EBF2: variants seen among roughly 807,000 people sequenced by gnomAD.
The protein encoded by EBF2 is EBF transcription factor 2.
Under a neutral mutation model 72.8 loss-of-function variants are expected in EBF2, and 21 were observed. The observed-to-expected ratio is 0.29, with a 90% CI of 0.20 to 0.42. The LOEUF is 0.42. Ranked by LOEUF, EBF2 falls within the 10% of genes least tolerant of loss-of-function variation. EBF2 has a pLI of 1.00. For missense variants in EBF2, 637 were observed against 731.2 expected (o/e 0.87, Z 1.49); for synonymous variants, 299 against 274.2 (o/e 1.09, Z -0.89).
intron 6 of EBF2, among the ~76,000 whole-genome samples, chr8:25,973,253 A>C (rs969763140): frequency 6.6e-6 from 1 of 152,246 alleles, no homozygotes; most frequent in Admixed American, 6.5e-5. Context: ...TAACATTAAG[A>C]TATGTATTGA....
Position 25,908,645 on chromosome 8 carries a change from G to C in EBF2, c.552-90C>G, listed in dbSNP as rs577159373. The C allele has an allele frequency of 3.4e-6, 3 of 885,504 alleles. No homozygotes were observed. In the African/African-American group the frequency reaches 5.0e-5, roughly 15 times the overall value. The allele number at this position is 885,504 out of a possible 1,614,324, so 54.9% of individuals were successfully genotyped here. ...ATTCCATTAGATTTGATTTGACAGC[G>C]ATTCTATTTCAGATCTGGGGAATTT... is the stretch of plus-strand genomic sequence containing the variant. On this transcript the variant is annotated intron_variant, in intron 6 of 15. Coordinates refer to ENST00000520164, the MANE Select transcript of EBF2 (RefSeq NM_022659.4).
At chr8:26,008,688 C>A (rs866442742) in intron 6 of EBF2, among the ~76,000 whole-genome samples, 1 of 152,014 alleles carries the variant, frequency 6.6e-6, no homozygotes, top group South Asian at 2.1e-4. Context: ...AAATTAGCAG[C>A]GTTTTATCAT....
At chr8:25,974,611 G>A (rs1000702334) in intron 6 of EBF2, among the ~76,000 whole-genome samples, 3 of 152,118 alleles carry the variant, frequency 2.0e-5, no homozygotes, top group African/African-American at 4.8e-5. Flanking sequence ...TCAATTAAGT[G>A]ATTTAAAATA....
chr8:25,871,035 C>A (rs1460632556), intron 10 of EBF2, among the ~76,000 whole-genome samples: 1 of 152,158 alleles, frequency 6.6e-6, no homozygotes, highest in Non-Finnish European at 1.5e-5. Flanking sequence ...CAACACTAAA[C>A]CATAAGAGGG....
rs139354805 is a variant in EBF2, at chr8:25,850,535, C to T, written c.1696+59G>A. The T allele has an allele frequency of 5.3e-4, 775 of 1,463,632 alleles. 3 individuals are homozygous for T. In the African/African-American group the frequency reaches 0.01, roughly 20 times the overall value. 90.7% of individuals were successfully genotyped at this position (1,463,632 alleles called of 1,614,324 possible). On this transcript the variant is annotated intron_variant, in intron 15 of 15. Transcript: ENST00000520164. ...GAGCTATACAATGATGTGCTGTTTG[C>T]TCTTACTTTGCCAACCCTATGGTAC...
intron 15 of EBF2, 68 bp downstream of exon 15, chr8:25,850,526 T>G: frequency 6.9e-7 from 1 of 1,445,456 alleles, no homozygotes; most frequent in Middle Eastern, 2.4e-4. Flanking sequence ...TACAATGATG[T>G]GCTGTTTGCT....
At chr8:25,933,159 T>G (rs1434957393) in intron 6 of EBF2, among the ~76,000 whole-genome samples, 6 of 152,214 alleles carry the variant, frequency 3.9e-5, no homozygotes, top group Non-Finnish European at 8.8e-5. Flanking sequence ...CTGGATTCTA[T>G]TTCCAGTTTG....
At chr8:25,904,839 T>C (rs1172069181) in intron 7 of EBF2, among the ~76,000 whole-genome samples, 1 of 152,176 alleles carries the variant, frequency 6.6e-6, no homozygotes, top group Non-Finnish European at 1.5e-5. Flanking sequence ...CTTAGTAGAA[T>C]CTAAGTACAG....
intron 13 of EBF2, among the ~76,000 whole-genome samples, chr8:25,859,379 G>A (rs987970146): frequency 5.9e-5 from 9 of 152,156 alleles, no homozygotes; most frequent in African/African-American, 2.2e-4. Flanking sequence ...TTTTAGAAAC[G>A]TCAGTTCCAA....
intron 6 of EBF2, among the ~76,000 whole-genome samples, chr8:25,946,701 C>T (rs560114596): frequency 1.3e-5 from 2 of 152,304 alleles, no homozygotes; most frequent in South Asian, 4.1e-4. Context: ...CTTTCATATC[C>T]AGTCAAATCC....
In EBF2 at chr8:25,941,929, G is replaced by C. The variant is rs116877970; in HGVS notation, c.552-33374C>G. On this transcript the variant is annotated intron_variant, in intron 6 of 15. Transcript: ENST00000520164. Reference sequence around the variant, plus strand: ...GTTCTCGTCCATTTTAGTCCATGCTGTGGCTTAATAATGGATCACTTCTTC... The same window carrying C: ...GTTCTCGTCCATTTTAGTCCATGCTCTGGCTTAATAATGGATCACTTCTTC... Among the ~76,000 whole-genome samples the C allele has an allele frequency of 1.2e-3, 183 of 152,350 alleles. 4 individuals carry two copies. In the East Asian group the frequency reaches 0.026, roughly 22 times the overall value.
chr8:25,909,159 G>A (rs1044625479), intron 6 of EBF2, among the ~76,000 whole-genome samples: 4 of 152,094 alleles, frequency 2.6e-5, no homozygotes, highest in African/African-American at 4.8e-5. Context: ...ATTATTCAGA[G>A]AAACATGAAA....
chr8:25,982,425 C>T (rs2117200432), intron 6 of EBF2, among the ~76,000 whole-genome samples: 1 of 152,278 alleles, frequency 6.6e-6, no homozygotes. Context: ...CTCCCTCATC[C>T]CTTCACCCTC....
intron 2 of EBF2, chr8:26,041,309 A>C (rs1204327959): frequency 2.3e-6 from 1 of 437,630 alleles, no homozygotes; most frequent in Non-Finnish European, 4.2e-6. Context: ...TTAAACAGGC[A>C]CCACCCAACC....
At chr8:25,933,675 C>G (rs983639430) in intron 6 of EBF2, among the ~76,000 whole-genome samples, 3 of 152,056 alleles carry the variant, frequency 2.0e-5, no homozygotes, top group Non-Finnish European at 2.9e-5. Context: ...TGGTGGAAAA[C>G]AAATTTGTCC....
intron 10 of EBF2, among the ~76,000 whole-genome samples, chr8:25,877,097 A>C (rs958359457): frequency 9.9e-5 from 15 of 152,180 alleles, no homozygotes; most frequent in African/African-American, 3.6e-4. Context: ...TTTGCCCTGG[A>C]TTCTGTGGTT....
intron 6 of EBF2, among the ~76,000 whole-genome samples, chr8:25,971,018 T>C (rs1804181543): frequency 6.6e-6 from 1 of 151,978 alleles, no homozygotes; most frequent in African/African-American, 2.4e-5. Context: ...ATGTTTTCTG[T>C]AGAGAAGGGT....
chr8:25,901,421 CAAAA>C (rs10712723), intron 7 of EBF2, among the ~76,000 whole-genome samples: 7 of 111,114 alleles, frequency 6.3e-5, no homozygotes, highest in Non-Finnish European at 5.7e-5. Flanking sequence ...CATCTTGTCT[CAAAA>C]AAAAAAAAAA....
At chr8:26,002,236 G>C (rs956343924) in intron 6 of EBF2, among the ~76,000 whole-genome samples, 1 of 152,178 alleles carries the variant, frequency 6.6e-6, no homozygotes, top group African/African-American at 2.4e-5. Flanking sequence ...TCTGCTGGTG[G>C]GGTGAGGGAT....
Sources: gnomAD v4.1 joint callset for allele counts (sites outside exome capture counted in the v4.1 genomes callset) on GRCh38, gnomAD v4.1.1 for gene constraint, MANE v1.5 for transcripts, NCBI Gene and HGNC (gene_info 2026-07-23, HGNC 2026-07-21) for gene names.